The following CSMD2 variants were observed in gnomAD, a reference collection of about 807,000 sequenced individuals.
CSMD2 encodes CUB and Sushi multiple domains 2, also known as CUB and sushi domain-containing protein 2.
CSMD2 carries 130 observed loss-of-function variants against 398.5 expected under a neutral mutation model. The ratio of observed to expected loss-of-function variants is 0.33; its 90% CI spans 0.28 to 0.38. The LOEUF is 0.38. Among genes scored for constraint, CSMD2 ranks in the 10% least tolerant of loss-of-function variants. The probability of loss-of-function intolerance (pLI) is 1.00; values close to 1 mark genes in which losing one functional copy is unlikely to be tolerated. For synonymous variants in CSMD2, 1,828 were observed against 1,908.5 expected (o/e 0.96, Z 1.10); for missense variants, 3,829 against 4,764.9 (o/e 0.80, Z 5.78).
rs188125059 is a variant in CSMD2 at position 33,537,928 on chromosome 1, C to T, written c.9632-319G>A. ...CTTTTTTTCCATTTTCACGCACATT[C>T]TTTTCCAATCTTTGTTCAGTTGTAT... is the stretch of plus-strand genomic sequence containing the variant. On this transcript the variant is annotated intron_variant, in intron 60 of 70. Coordinates refer to ENST00000373381, the MANE Select transcript of CSMD2 (RefSeq NM_001281956.2). This position sits in a 1 kb window ranked among gnomAD's most constrained non-coding sequence, Gnocchi z 4.6. Among the ~76,000 whole-genome samples, 24 of 152,364 alleles carry T rather than the reference C, an allele frequency of 1.6e-4. No individual in the cohort carries two copies. The highest frequency in any genetic ancestry group is 1.5e-3 in the Admixed American group (23 of 15,310).
intron 2 of CSMD2, among the ~76,000 whole-genome samples, chr1:34,050,626 G>A (rs1041585091): frequency 6.6e-6 from 1 of 152,190 alleles, no homozygotes; most frequent in Non-Finnish European, 1.5e-5. Flanking sequence ...TATATGCTCT[G>A]AATCAGCATG....
chr1:33,939,585 G>A (rs1227668779), intron 3 of CSMD2, among the ~76,000 whole-genome samples: 1 of 152,074 alleles, frequency 6.6e-6, no homozygotes, highest in East Asian at 1.9e-4. Flanking sequence ...TTCTGCTTTG[G>A]GCTTTCTTCC....
At chr1:33,846,860 C>T in intron 6 of CSMD2, 24 bp downstream of exon 6, 1 of 1,508,034 alleles carries the variant, frequency 6.6e-7, no homozygotes, top group Non-Finnish European at 9.1e-7. Context: ...CTGAGGAAGC[C>T]AGACAGTCCT....
chr1:34,101,669 T>C (rs1659957132), intron 1 of CSMD2, among the ~76,000 whole-genome samples: 2 of 152,220 alleles, frequency 1.3e-5, no homozygotes, highest in Non-Finnish European at 2.9e-5. Context: ...TTTTAATTTC[T>C]TCTTTTTGGA....
chr1:33,906,654 A>G (rs1206351061), intron 5 of CSMD2, among the ~76,000 whole-genome samples: 1 of 152,190 alleles, frequency 6.6e-6, no homozygotes, highest in Non-Finnish European at 1.5e-5. Flanking sequence ...TGATGATTTT[A>G]TGGGTCAATT....
At chr1:33,786,891 G>A (rs1051282975) in intron 12 of CSMD2, among the ~76,000 whole-genome samples, 1 of 152,156 alleles carries the variant, frequency 6.6e-6, no homozygotes, top group African/African-American at 2.4e-5. Context: ...CCTGTTATGG[G>A]GTGAACTGTG....
intron 5 of CSMD2, among the ~76,000 whole-genome samples, chr1:33,867,780 T>C (rs1640146471): frequency 6.6e-6 from 1 of 152,120 alleles, no homozygotes; most frequent in Non-Finnish European, 1.5e-5. Context: ...TCCAGTTGGG[T>C]TGTCTTGTTT....
At chr1:34,091,196 T>C (rs993674250) in intron 1 of CSMD2, among the ~76,000 whole-genome samples, 5 of 152,218 alleles carry the variant, frequency 3.3e-5, no homozygotes, top group African/African-American at 1.2e-4. Flanking sequence ...GAATGCTTCA[T>C]GAGAGCAGAC....
chr1:33,729,987 A>G (rs1446621268), intron 15 of CSMD2, among the ~76,000 whole-genome samples: 1 of 152,250 alleles, frequency 6.6e-6, no homozygotes, highest in African/African-American at 2.4e-5. Flanking sequence ...AAAATATGAA[A>G]TGACATATAT....
intron 3 of CSMD2, among the ~76,000 whole-genome samples, chr1:33,972,336 T>C (rs1645802325): frequency 1.3e-5 from 2 of 152,142 alleles, no homozygotes; most frequent in Non-Finnish European, 2.9e-5. Context: ...ATTCATAGTT[T>C]TAGATTCAAC....
At position 33,787,292 on chromosome 1, in the gene CSMD2, C is replaced by T. The variant is rs114616660; in HGVS notation, c.1663+1308G>A. On this transcript the variant is annotated intron_variant, in intron 12 of 70. Transcript: ENST00000373381. ...TGTGAAGCCAGCCAGCCCAAGAACA[C>T]GAATACACCTCCTGTGTACCTGTAC... is the stretch of plus-strand genomic sequence containing the variant. 5.6e-3 allele frequency among the ~76,000 whole-genome samples: 858 copies of T among 152,260 alleles called. 7 individuals carry two copies. Among genetic ancestry groups the T allele is most frequent in the African/African-American group, 0.019 (787 of 41,556 alleles).
intron 2 of CSMD2, among the ~76,000 whole-genome samples, chr1:34,083,800 T>C (rs1254229525): frequency 1.3e-5 from 2 of 152,034 alleles, no homozygotes; most frequent in African/African-American, 4.8e-5. Context: ...ATGCCTGTAG[T>C]CCCAGCTACT....
intron 2 of CSMD2, among the ~76,000 whole-genome samples, chr1:34,081,834 G>A (rs1251453634): frequency 6.6e-6 from 1 of 152,046 alleles, no homozygotes; most frequent in Non-Finnish European, 1.5e-5. Context: ...CGTCTAGGAA[G>A]TGAGGAGCGT....
chr1:33,969,444 G>C (rs927351148), intron 3 of CSMD2, among the ~76,000 whole-genome samples: 4 of 152,148 alleles, frequency 2.6e-5, no homozygotes, highest in Admixed American at 6.5e-5. Flanking sequence ...GCGATGGATG[G>C]ATGGATAGAT....
intron 64 of CSMD2, among the ~76,000 whole-genome samples, chr1:33,530,624 C>G (rs897864997): frequency 2.6e-5 from 4 of 152,196 alleles, no homozygotes; most frequent in African/African-American, 4.8e-5. Context: ...ATCAGTAAGT[C>G]AAAGAGATAT....
intron 22 of CSMD2, among the ~76,000 whole-genome samples, chr1:33,708,591 C>CTTATTATTATTATTATTG (rs1553180008): frequency 3.5e-5 from 5 of 141,084 alleles, no homozygotes; most frequent in South Asian, 2.4e-4. Context: ...TCCAACCGAA[C>CTTATTATTATTATTATTG]TTATTATTAT....
At chr1:33,605,051 G>A (rs574797227) in intron 42 of CSMD2, among the ~76,000 whole-genome samples, 171 of 152,270 alleles carry the variant, frequency 1.1e-3, no homozygotes, top group Non-Finnish European at 2.1e-3. Context: ...CCTCTTGGCT[G>A]TGGCCCACAT....
Position 33,533,258 on chromosome 1 carries a change from T to C in CSMD2, c.9992-29A>G. The C allele has an allele frequency of 6.2e-7, 1 of 1,608,954 alleles. No individual in the cohort carries two copies. The highest frequency in any genetic ancestry group is 8.5e-7 in the Non-Finnish European group (1 of 1,177,478). On this transcript the variant is annotated intron_variant, in intron 63 of 70. Transcript: ENST00000373381. This position sits in a 1 kb window ranked among gnomAD's most constrained non-coding sequence, Gnocchi z 4.2. ...GATGAGAGGAAAGACCCTGTTGGAC[T>C]GGAGGAGATTAGGGGCTTCAGGGGC...
rs1296820060 is a variant in CSMD2, at chr1:33,675,244, C to T, written c.4053-12152G>A. ...AATAAAGAAGAAAAGAGAGAAGAATCAAATAGATGCAATAAAAAATGATAA... is the reference window on the plus strand; with the variant it reads ...AATAAAGAAGAAAAGAGAGAAGAATTAAATAGATGCAATAAAAAATGATAA... On this transcript the variant is annotated intron_variant, in intron 25 of 70. Transcript: ENST00000373381. 2.0e-5 allele frequency among the ~76,000 whole-genome samples: 3 copies of T among 151,976 alleles called. No homozygotes were observed. The South Asian group carries it at 6.2e-4, about 32-fold the overall frequency.
Sources: allele counts gnomAD v4.1 joint callset (sites outside exome capture counted in the v4.1 genomes callset), GRCh38; gene constraint gnomAD v4.1.1; non-coding constraint Gnocchi (gnomAD v3.1); transcripts MANE v1.5; gene names NCBI Gene and HGNC (gene_info 2026-07-23, HGNC 2026-07-21).